ASPH: variants seen among roughly 807,000 people sequenced by gnomAD.
ASPH encodes the protein aspartate beta-hydroxylase.
ASPH carries 100 observed loss-of-function variants against 118.4 expected under a neutral mutation model. The observed-to-expected ratio is 0.84, with a 90% CI of 0.72 to 1.00. The LOEUF (loss-of-function observed/expected upper bound fraction) is 1.00. Among genes scored for constraint, ASPH ranks in the 50% least tolerant of loss-of-function variants. ASPH has a pLI of 0.00. For synonymous variants in ASPH, 315 were observed against 325.6 expected, an observed-to-expected ratio of 0.97 and a Z score of 0.35; for missense variants, 920 against 919.5, an observed-to-expected ratio of 1.00 and a Z score of -0.01.
At chr8:61,582,960 T>C (rs1210244975) in intron 15 of ASPH, 2 of 152,232 alleles carry the variant, frequency 1.3e-5, no homozygotes, top group Admixed American at 6.5e-5. Context: ...ACCCGATGAT[T>C]AGATGATATG....
At chr8:61,606,591 T>G (rs1041367432) in intron 14 of ASPH, 2 of 152,188 alleles carry the variant, frequency 1.3e-5, no homozygotes, top group African/African-American at 4.8e-5. Context: ...TAATCATAGA[T>G]GTAGGTGCTA....
At chr8:61,591,567 G>A (rs1172132436) in intron 14 of ASPH, among the ~76,000 whole-genome samples, 23 of 152,146 alleles carry the variant, frequency 1.5e-4, no homozygotes, top group Admixed American at 1.5e-3. Flanking sequence ...TGGATTGCAA[G>A]GTCTCGCTAA....
chr8:61,626,056 A>G, intron 13 of ASPH: 2 of 1,236,718 alleles, frequency 1.6e-6, no homozygotes, highest in Non-Finnish European at 2.0e-6. Flanking sequence ...ACATGCAGGA[A>G]TGTAACATGA....
At chr8:61,576,953 T>C (rs1835355129) in intron 15 of ASPH, 95 bp from the exon 16 acceptor site, 1 of 1,047,996 alleles carries the variant, frequency 9.5e-7, no homozygotes, top group Non-Finnish European at 1.4e-6. Context: ...TTTGTCAGAG[T>C]TTCCTAGATT....
Position 61,503,170 on chromosome 8 carries a change from C to T in ASPH, c.*189G>A. On this transcript the variant is annotated 3_prime_UTR_variant, in exon 25 of 25. Transcript: ENST00000379454. ...GAGATGACACACAGCAGGGTGTTTC[C>T]TAAATGAATTGCAGCGAGGCAAATA... The T allele has an allele frequency of 1.9e-6, 1 of 536,902 alleles. No homozygotes were observed. The highest frequency in any genetic ancestry group is 4.9e-5 in the South Asian group (1 of 20,484). 33.3% of individuals were successfully genotyped at this position (536,902 alleles called of 1,614,324 possible). A position where few individuals can be genotyped will look rare whatever the true frequency, so the allele number is the denominator to read the frequency against.
At chr8:61,694,593 T>C (rs1423533107) in intron 1 of ASPH, among the ~76,000 whole-genome samples, 2 of 152,226 alleles carry the variant, frequency 1.3e-5, no homozygotes, top group African/African-American at 2.4e-5. Flanking sequence ...TCGACTCTCA[T>C]GACTTCAGAA....
At chr8:61,577,392 A>T (rs1835587957) in intron 15 of ASPH, among the ~76,000 whole-genome samples, 1 of 124,310 alleles carries the variant, frequency 8.0e-6, no homozygotes, top group African/African-American at 3.1e-5. Context: ...AAGGATGCCC[A>T]ATCTCGCAAA....
intron 2 of ASPH, chr8:61,683,521 T>C (rs1829142702): frequency 6.6e-6 from 1 of 152,370 alleles, no homozygotes; most frequent in South Asian, 2.1e-4. Flanking sequence ...CACACAATAA[T>C]ATCTACAAAC....
chr8:61,579,470 C>A, intron 15 of ASPH: 3 of 1,604,910 alleles, frequency 1.9e-6, no homozygotes, highest in Non-Finnish European at 8.5e-7. Flanking sequence ...AGACCACCAG[C>A]GGCTATGCAG....
intron 21 of ASPH, among the ~76,000 whole-genome samples, chr8:61,540,687 A>C (rs1236445879): frequency 1.3e-5 from 2 of 152,228 alleles, no homozygotes; most frequent in Non-Finnish European, 2.9e-5. Context: ...ACAGAAATTC[A>C]ACCAAAGGGG....
chr8:61,521,063 G>A (rs1173505911), intron 22 of ASPH, among the ~76,000 whole-genome samples: 4 of 152,130 alleles, frequency 2.6e-5, no homozygotes, highest in African/African-American at 9.7e-5. Context: ...GGAATGCAAC[G>A]GCAGTTCCTT....
At chr8:61,664,503 G>A in intron 3 of ASPH, 1 of 984,890 alleles carries the variant, frequency 1.0e-6, no homozygotes, top group Non-Finnish European at 1.2e-6. Context: ...AGCAGTGTAT[G>A]TGGCACATGG....
intron 14 of ASPH, among the ~76,000 whole-genome samples, chr8:61,605,726 A>T (rs4738910): frequency 0.51 from 77,829 of 152,054 alleles, 21,950 homozygotes; most frequent in Non-Finnish European, 0.64. Flanking sequence ...ACATTTAGCC[A>T]CACACTTTAA....
intron 16 of ASPH, among the ~76,000 whole-genome samples, chr8:61,568,920 G>A (rs1472862627): frequency 1.3e-5 from 2 of 152,162 alleles, no homozygotes; most frequent in African/African-American, 2.4e-5. Context: ...TGCAGACAAG[G>A]GGAGTTCTTT....
chr8:61,701,749 T>C (rs1398284850), intron 1 of ASPH, among the ~76,000 whole-genome samples: 4 of 152,208 alleles, frequency 2.6e-5, no homozygotes, highest in East Asian at 1.9e-4. Context: ...AATGTACCTA[T>C]TGCTAGTTAT....
chr8:61,527,500 T>A (rs1815837587), intron 21 of ASPH, among the ~76,000 whole-genome samples: 1 of 152,258 alleles, frequency 6.6e-6, no homozygotes, highest in African/African-American at 2.4e-5. Flanking sequence ...TATTAAAATA[T>A]TCTAGGGCAA....
At chr8:61,648,236 G>C (rs1046489770) in intron 5 of ASPH, among the ~76,000 whole-genome samples, 1 of 152,152 alleles carries the variant, frequency 6.6e-6, no homozygotes, top group African/African-American at 2.4e-5. Context: ...CATTATTACA[G>C]TAATAACAAC....
At chr8:61,584,102 A>C in intron 14 of ASPH, 73 bp from the exon 15 acceptor site, 1 of 963,796 alleles carries the variant, frequency 1.0e-6, no homozygotes, top group Non-Finnish European at 1.5e-6. Context: ...ACAATTTACA[A>C]GTAGTGGGAA....
chr8:61,709,802 A>C (rs1837636459), intron 1 of ASPH, among the ~76,000 whole-genome samples: 1 of 152,214 alleles, frequency 6.6e-6, no homozygotes, highest in African/African-American at 2.4e-5. Context: ...AAGATAAAAT[A>C]ATGTTACAGA....
Sources: gnomAD v4.1 joint callset for allele counts (sites outside exome capture counted in the v4.1 genomes callset) on GRCh38, gnomAD v4.1.1 for gene constraint, MANE v1.5 for transcripts, NCBI Gene and HGNC (gene_info 2026-07-23, HGNC 2026-07-21) for gene names.